FAT3: variants seen among roughly 807,000 people sequenced by gnomAD.
FAT3 encodes the protein protocadherin Fat 3.
In FAT3, 95 loss-of-function variants were observed where a neutral mutation model predicts 310.2. That is an observed-to-expected ratio of 0.31 (90% CI 0.26 to 0.36). The LOEUF (loss-of-function observed/expected upper bound fraction) is 0.36. FAT3 is among the 10% of genes least tolerant of loss of function. The pLI is 1.00. For synonymous variants in FAT3, 2,314 were observed against 2,192.9 expected (o/e 1.06, Z -1.54); for missense variants, 5,408 against 5,715.6 (o/e 0.95, Z 1.74).
At chr11:92,496,622 G>A (rs538248192) in intron 2 of FAT3, among the ~76,000 whole-genome samples, 4 of 152,130 alleles carry the variant, frequency 2.6e-5, no homozygotes, top group Admixed American at 6.6e-5. Context: ...CGTGACTGCG[G>A]TGAGCCTCTG....
At chr11:92,753,924 C>G (rs2136061704) in intron 4 of FAT3, among the ~76,000 whole-genome samples, 1 of 151,940 alleles carries the variant, frequency 6.6e-6, no homozygotes, top group East Asian at 1.9e-4. Context: ...ATTGTATATT[C>G]TCACTGATAT....
rs891818978 is a variant in FAT3, at chr11:92,842,978, CACTG to C, written c.10567-952_10567-949del. Among the ~76,000 whole-genome samples the C allele has an allele frequency of 1.2e-3, 190 of 152,306 alleles. 2 individuals carry two copies. The highest frequency in any genetic ancestry group is 4.5e-3 in the African/African-American group (187 of 41,536). On this transcript the variant is annotated intron_variant, in intron 18 of 27. Transcript: ENST00000525166. ...GATTAGCCTTGGGTTTAGTGCTTTG[CACTG>C]ACTCTCTTTTAATCCCCACAATAGA...
intron 22 of FAT3, among the ~76,000 whole-genome samples, chr11:92,876,796 C>A (rs1428343916): frequency 6.6e-6 from 1 of 152,178 alleles, no homozygotes; most frequent in Admixed American, 6.5e-5. Context: ...GCAAAACATC[C>A]ATAAGAGCAT....
At chr11:92,282,687 A>T (rs1946461186) in intron 1 of FAT3, among the ~76,000 whole-genome samples, 1 of 152,082 alleles carries the variant, frequency 6.6e-6, no homozygotes, top group Non-Finnish European at 1.5e-5. Flanking sequence ...GTTGTAAATC[A>T]CACATATATG....
At chr11:92,809,258 C>T (rs1947597181) in intron 12 of FAT3, among the ~76,000 whole-genome samples, 1 of 152,214 alleles carries the variant, frequency 6.6e-6, no homozygotes, top group South Asian at 2.1e-4. Flanking sequence ...CAATGTCAGG[C>T]CCTTCCACAA....
intron 3 of FAT3, among the ~76,000 whole-genome samples, chr11:92,623,202 G>GC (rs150262791): frequency 0.57 from 87,104 of 152,002 alleles, 26,706 homozygotes; most frequent in African/African-American, 0.8. Flanking sequence ...TGCTACATTA[G>GC]TCAAATCTGA....
At chr11:92,430,340 G>A (rs1950737450) in intron 2 of FAT3, among the ~76,000 whole-genome samples, 1 of 152,072 alleles carries the variant, frequency 6.6e-6, no homozygotes, top group South Asian at 2.1e-4. Context: ...CTGTCAATTC[G>A]TCAAACTCAT....
At chr11:92,245,522 A>G (rs1864865147) in intron 1 of FAT3, among the ~76,000 whole-genome samples, 1 of 152,104 alleles carries the variant, frequency 6.6e-6, no homozygotes, top group African/African-American at 2.4e-5. Context: ...AAATTCCTAG[A>G]TAATGTCAAT....
At chr11:92,380,749 A>T (rs993922281) in intron 2 of FAT3, among the ~76,000 whole-genome samples, 6 of 152,196 alleles carry the variant, frequency 3.9e-5, no homozygotes, top group African/African-American at 1.4e-4. Context: ...GGGTGCTGGA[A>T]TATAGACTCC....
chr11:92,559,505 C>G, intron 3 of FAT3: 1 of 366,438 alleles, frequency 2.7e-6, no homozygotes, highest in Non-Finnish European at 5.5e-6. Context: ...CTGCCTCAGC[C>G]TCTTGAGTAG....
chr11:92,684,295 C>G (rs949953380), intron 3 of FAT3, among the ~76,000 whole-genome samples: 1 of 152,134 alleles, frequency 6.6e-6, no homozygotes, highest in African/African-American at 2.4e-5. Flanking sequence ...CATTTTGCAC[C>G]TATTCTCCTG....
chr11:92,264,622 T>C (rs764786123), intron 1 of FAT3, among the ~76,000 whole-genome samples: 1 of 152,142 alleles, frequency 6.6e-6, no homozygotes, highest in Non-Finnish European at 1.5e-5. Context: ...ATTTTTAGAG[T>C]ATAAACACAT....
intron 2 of FAT3, among the ~76,000 whole-genome samples, chr11:92,370,200 T>C (rs1396531157): frequency 6.7e-6 from 1 of 149,600 alleles, no homozygotes; most frequent in African/African-American, 2.6e-5. Context: ...TTATAATCTC[T>C]ATATTAGTAG....
chr11:92,435,488 T>A (rs1021581371), intron 2 of FAT3, among the ~76,000 whole-genome samples: 7 of 135,776 alleles, frequency 5.2e-5, no homozygotes, highest in African/African-American at 2.0e-4. Context: ...CCTTCCTTCC[T>A]TCCTTCCTTC....
intron 2 of FAT3, among the ~76,000 whole-genome samples, chr11:92,448,906 T>A (rs1951284772): frequency 6.6e-6 from 1 of 152,204 alleles, no homozygotes; most frequent in South Asian, 2.1e-4. Flanking sequence ...CAGATGTTGT[T>A]ATCCAGGAAA....
rs538619455 is a variant in FAT3 at position 92,334,222 on chromosome 11, G to A, written c.-17-17874G>A. Among the ~76,000 whole-genome samples the A allele has an allele frequency of 1.1e-4, 16 of 151,928 alleles. No individual in the cohort carries two copies. The East Asian group carries it at 2.3e-3, about 22-fold the overall frequency. ...AAAACCCTGTGTCTACTAAAAATAC[G>A]AAAATTAGCCAGGTGTGGTGGCATG... On this transcript the variant is annotated intron_variant, in intron 1 of 27. Coordinates refer to ENST00000525166, the MANE Select transcript of FAT3 (RefSeq NM_001367949.2).
chr11:92,592,982 G>A (rs1267937907), intron 3 of FAT3, among the ~76,000 whole-genome samples: 2 of 151,934 alleles, frequency 1.3e-5, no homozygotes, highest in East Asian at 1.9e-4. Context: ...CCCTCCCCCA[G>A]GCCCCTGACA....
rs2136418332 is a variant in FAT3, at chr11:92,883,353, C to G, written c.12897C>G (p.Cys4299Trp). The G allele has an allele frequency of 6.2e-7, 1 of 1,608,134 alleles. No individual in the cohort carries two copies. The highest frequency in any genetic ancestry group is 8.5e-7 in the Non-Finnish European group (1 of 1,176,946). Residue 4299 changes from cysteine to tryptophan, a missense_variant, in exon 24 of 28, where the codon TGC becomes TGG. Around this residue, in one of 5 missense-constraint regions of FAT3, gnomAD observed 649 missense variants for 666.2 expected, o/e 0.97. Transcript: ENST00000525166. The surrounding 1 kb of genome is among the most constrained non-coding windows in gnomAD (Gnocchi z 4.2). Reference sequence around the variant, plus strand: ...CCGTGTCACCCTGCCGCTCCGACTGCGACTCCATCCGGAAGAATGGCTGGG... The same window carrying G: ...CCGTGTCACCCTGCCGCTCCGACTGGGACTCCATCCGGAAGAATGGCTGGG... ...LPAVSPCRSD[C>W]DSIRKNGWDA...
chr11:92,478,896 A>G (rs1952122007), intron 2 of FAT3, among the ~76,000 whole-genome samples: 1 of 147,454 alleles, frequency 6.8e-6, no homozygotes, highest in Non-Finnish European at 1.5e-5. Flanking sequence ...GACTACAGGC[A>G]TGAGCTACTG....
Sources: gnomAD v4.1 joint callset for allele counts (sites outside exome capture counted in the v4.1 genomes callset) on GRCh38, gnomAD v4.1.1 for gene constraint, gnomAD v4.1.1 regional missense constraint, Gnocchi (gnomAD v3.1) non-coding constraint, MANE v1.5 for transcripts, NCBI Gene and HGNC (gene_info 2026-07-23, HGNC 2026-07-21) for gene names.